SBF2: variants seen among roughly 807,000 people sequenced by gnomAD.
The protein encoded by SBF2 is SET binding factor 2, also known as myotubularin-related protein 13.
SBF2 carries 112 observed loss-of-function variants against 225.2 expected under a neutral mutation model. The ratio of observed to expected loss-of-function variants is 0.50; its 90% CI spans 0.43 to 0.58. The LOEUF (loss-of-function observed/expected upper bound fraction) is 0.58. Among genes scored for constraint, SBF2 ranks in the 20% least tolerant of loss-of-function variants. The pLI is 0.00. For missense variants in SBF2, 1,996 were observed against 2,206.2 expected (o/e 0.90, Z 1.91); for synonymous variants, 763 against 773.3 (o/e 0.99, Z 0.22).
chr11:9,840,952 G>T (rs1226654045), intron 25 of SBF2, among the ~76,000 whole-genome samples: 2 of 148,964 alleles, frequency 1.3e-5, no homozygotes, highest in Non-Finnish European at 1.5e-5. Flanking sequence ...GGTACTGCAT[G>T]TTCTAACTGG....
intron 32 of SBF2, among the ~76,000 whole-genome samples, chr11:9,805,775 C>A (rs575595239): frequency 1.1e-4 from 16 of 152,174 alleles, no homozygotes; most frequent in Admixed American, 5.9e-4. Context: ...GGCGTGCGCC[C>A]CCACGTCTGG....
chr11:10,117,159 G>C (rs1283923837), intron 2 of SBF2, among the ~76,000 whole-genome samples: 1 of 152,092 alleles, frequency 6.6e-6, no homozygotes, highest in Non-Finnish European at 1.5e-5. Flanking sequence ...ATATGTATCA[G>C]GCCGGGCGTG....
intron 2 of SBF2, among the ~76,000 whole-genome samples, chr11:10,066,038 A>C (rs1950613188): frequency 6.6e-6 from 1 of 152,180 alleles, no homozygotes; most frequent in African/African-American, 2.4e-5. Context: ...TATCCATTGA[A>C]GAAAATAAAA....
intron 2 of SBF2, among the ~76,000 whole-genome samples, chr11:10,138,435 T>G (rs1466869463): frequency 1.3e-5 from 2 of 152,164 alleles, no homozygotes; most frequent in African/African-American, 4.8e-5. Context: ...TCATTGATTT[T>G]TCTCTAGTTT....
intron 2 of SBF2, among the ~76,000 whole-genome samples, chr11:10,090,202 T>C (rs183678573): frequency 2.6e-5 from 4 of 152,318 alleles, no homozygotes; most frequent in African/African-American, 7.2e-5. Context: ...GGGGTTATTG[T>C]TTAACGGGTA....
At chr11:10,027,071 C>T (rs1346302835) in intron 6 of SBF2, among the ~76,000 whole-genome samples, 1 of 152,046 alleles carries the variant, frequency 6.6e-6, no homozygotes, top group African/African-American at 2.4e-5. Context: ...TGCATTACTT[C>T]ACATACTTTT....
chr11:10,002,834 A>G, intron 6 of SBF2, 145 bp from the exon 7 acceptor site: 1 of 750,992 alleles, frequency 1.3e-6, no homozygotes, highest in Admixed American at 2.5e-5. Context: ...AATTCCATAT[A>G]ATCTATGAGT....
chr11:10,079,390 T>C (rs1378073384), intron 2 of SBF2, among the ~76,000 whole-genome samples: 1 of 152,160 alleles, frequency 6.6e-6, no homozygotes, highest in African/African-American at 2.4e-5. Flanking sequence ...ATCCCCCTAT[T>C]TATCTATAAA....
At chr11:10,197,364 T>C (rs1169323291) in intron 1 of SBF2, among the ~76,000 whole-genome samples, 2 of 152,220 alleles carry the variant, frequency 1.3e-5, no homozygotes, top group Non-Finnish European at 2.9e-5. Flanking sequence ...CACAAATTTT[T>C]TGGTTTCTCA....
intron 2 of SBF2, among the ~76,000 whole-genome samples, chr11:10,175,110 G>A (rs1956396000): frequency 6.6e-6 from 1 of 150,416 alleles, no homozygotes; most frequent in African/African-American, 2.4e-5. Flanking sequence ...CAACTAATGA[G>A]CAAAATAACC....
chr11:10,132,439 CA>C (rs1318752100), intron 2 of SBF2, among the ~76,000 whole-genome samples: 2 of 150,866 alleles, frequency 1.3e-5, no homozygotes. Flanking sequence ...TTCTGATGTT[CA>C]GATGTGTTTG....
At chr11:10,267,284 AAC>A (rs1962090204) in intron 1 of SBF2, among the ~76,000 whole-genome samples, 1 of 151,752 alleles carries the variant, frequency 6.6e-6, no homozygotes, top group Admixed American at 6.6e-5. Flanking sequence ...CCCAGACTTT[AAC>A]TTTTAAAGAA....
At chr11:9,938,255 C>T (rs1388270466) in intron 16 of SBF2, among the ~76,000 whole-genome samples, 2 of 150,500 alleles carry the variant, frequency 1.3e-5, no homozygotes, top group East Asian at 3.9e-4. Context: ...CCAGCCACTG[C>T]ACTCCAGCCT....
rs12786436 is a variant in SBF2, at chr11:10,110,590, T to A, written c.142-67609A>T. 4.5e-3 allele frequency among the ~76,000 whole-genome samples: 679 copies of A among 152,280 alleles called. 6 individuals are homozygous for A. The highest frequency in any genetic ancestry group is 6.5e-3 in the Non-Finnish European group (443 of 67,994). On this transcript the variant is annotated intron_variant, in intron 2 of 39. Transcript: ENST00000256190. Reference sequence around the variant, plus strand: ...TTAGTAATACACCTGGATCTAATTGTATGGTCTCAAAATTTCAAATTACTT... The same window carrying A: ...TTAGTAATACACCTGGATCTAATTGAATGGTCTCAAAATTTCAAATTACTT...
upstream of SBF2, among the ~76,000 whole-genome samples, chr11:10,299,060 C>T (rs919866554): frequency 2.6e-5 from 4 of 152,040 alleles, no homozygotes; most frequent in East Asian, 3.9e-4. Context: ...GTGTCCTGGC[C>T]AGGTGTGGTG....
intron 1 of SBF2, among the ~76,000 whole-genome samples, chr11:10,281,431 A>G (rs189861466): frequency 1.5e-3 from 221 of 152,308 alleles, no homozygotes; most frequent in Middle Eastern, 6.8e-3. Context: ...ACTTACATCC[A>G]ACTGACCAGA....
intron 6 of SBF2, chr11:10,016,462 C>G (rs1471567747): frequency 6.6e-6 from 1 of 151,910 alleles, no homozygotes; most frequent in Non-Finnish European, 1.5e-5. Flanking sequence ...ATGTCACATG[C>G]TTTCTTAAGT....
At chr11:10,010,144 C>T (rs555167112) in intron 6 of SBF2, among the ~76,000 whole-genome samples, 1 of 152,114 alleles carries the variant, frequency 6.6e-6, no homozygotes, top group Non-Finnish European at 1.5e-5. Context: ...GGATATTAGC[C>T]CTTTGTCAGA....
At chr11:10,128,885 T>A (rs1274459652) in intron 2 of SBF2, among the ~76,000 whole-genome samples, 1 of 152,196 alleles carries the variant, frequency 6.6e-6, no homozygotes, top group Non-Finnish European at 1.5e-5. Context: ...TACATGTTTA[T>A]TTTCCCGCTT....
Sources: gnomAD v4.1 joint callset for allele counts (sites outside exome capture counted in the v4.1 genomes callset) on GRCh38, gnomAD v4.1.1 for gene constraint, MANE v1.5 for transcripts, NCBI Gene and HGNC (gene_info 2026-07-23, HGNC 2026-07-21) for gene names.